The following FAM83B variants were observed in gnomAD, a reference collection of about 807,000 sequenced individuals.
FAM83B encodes the protein scaffolding CK1 anchoring protein B.
A neutral mutation model predicts 38.8 loss-of-function variants in FAM83B; 26 were observed. The observed-to-expected ratio is 0.67, with a 90% CI of 0.49 to 0.93. FAM83B has a LOEUF of 0.93. FAM83B is among the 40% of genes least tolerant of loss of function. The pLI is 0.00. For synonymous variants in FAM83B, 419 were observed against 423.1 expected, an observed-to-expected ratio of 0.99 and a Z score of 0.12; for missense variants, 1,237 against 1,197.3, an observed-to-expected ratio of 1.03 and a Z score of -0.49.
At chr6:54,866,872 A>C (rs77032552) in intron 1 of FAM83B, among the ~76,000 whole-genome samples, 2,506 of 152,234 alleles carry the variant, frequency 0.016, 64 homozygotes, top group African/African-American at 0.056. Flanking sequence ...CATGAATTGA[A>C]AGCAATTTTT....
intron 2 of FAM83B, among the ~76,000 whole-genome samples, chr6:54,911,307 A>G (rs2127584615): frequency 6.6e-6 from 1 of 152,110 alleles, no homozygotes; most frequent in South Asian, 2.1e-4. Context: ...TTAAAGAAAA[A>G]AAAAAACAAA....
rs1002800734 is a variant in FAM83B, at chr6:54,882,883, T to C, written c.444+12193T>C. On this transcript the variant is annotated intron_variant, in intron 2 of 4. Transcript: ENST00000306858. ...TATACTTGTTTGGGAAAGCTTTGTT[T>C]GATTCCCTTACCAGACTTCAGTTAG... Among the ~76,000 whole-genome samples, 4 of 152,222 alleles carry C rather than the reference T, an allele frequency of 2.6e-5. No individual in the cohort carries two copies. In the South Asian group the frequency reaches 8.3e-4, roughly 31 times the overall value.
chr6:54,930,273 T>C (rs1014328872), intron 4 of FAM83B, among the ~76,000 whole-genome samples: 1 of 152,144 alleles, frequency 6.6e-6, no homozygotes, highest in Admixed American at 6.6e-5. Flanking sequence ...GTTTGTTTTC[T>C]ATTTATCTAT....
rs1561908576 is a variant in FAM83B, at chr6:54,870,209, T to C, written c.-38T>C. 1 of 1,512,352 alleles carries C rather than the reference T, an allele frequency of 6.6e-7. No homozygotes were observed. The highest frequency in any genetic ancestry group is 9.1e-7 in the Non-Finnish European group (1 of 1,094,040). The allele number at this position is 1,512,352 out of a possible 1,614,324, so 93.7% of individuals were successfully genotyped here. On this transcript the variant is annotated 5_prime_UTR_variant, in exon 2 of 5. It removes an upstream start codon present in the reference 5' UTR. Coordinates refer to ENST00000306858, the MANE Select transcript of FAM83B (RefSeq NM_001010872.3). ...CAGATACTTCTCACCACTGCATGAA[T>C]GGACATTTGAAAGTGCCATAGCCAA...
chr6:54,916,923 G>C (rs1773056045), intron 2 of FAM83B, among the ~76,000 whole-genome samples: 1 of 152,132 alleles, frequency 6.6e-6, no homozygotes, highest in Non-Finnish European at 1.5e-5. Context: ...AAGGGACTTT[G>C]AATGCCAGTG....
intron 1 of FAM83B, among the ~76,000 whole-genome samples, chr6:54,865,019 A>G (rs1771667315): frequency 6.6e-6 from 1 of 152,234 alleles, no homozygotes; most frequent in African/African-American, 2.4e-5. Flanking sequence ...ATCATTTCTA[A>G]ATGGTAAATT....
chr6:54,932,032 C>T (rs7772366), intron 4 of FAM83B, among the ~76,000 whole-genome samples: 6,152 of 80,944 alleles, frequency 0.076, 555 homozygotes, highest in African/African-American at 0.29. Context: ...TTTTTTGAGA[C>T]GGAGTTTCAC....
intron 2 of FAM83B, among the ~76,000 whole-genome samples, chr6:54,917,023 C>CTACT (rs1403717272): frequency 6.6e-6 from 1 of 152,116 alleles, no homozygotes; most frequent in Non-Finnish European, 1.5e-5. Context: ...ACTGTAGGCT[C>CTACT]TAGGTACTGA....
chr6:54,881,329 G>A (rs1490392834), intron 2 of FAM83B, among the ~76,000 whole-genome samples: 1 of 152,192 alleles, frequency 6.6e-6, no homozygotes, highest in African/African-American at 2.4e-5. Flanking sequence ...AATGAAGAAA[G>A]CCTCATAACT....
At chr6:54,869,384 C>G (rs1455939844) in intron 1 of FAM83B, among the ~76,000 whole-genome samples, 1 of 152,128 alleles carries the variant, frequency 6.6e-6, no homozygotes, top group Non-Finnish European at 1.5e-5. Context: ...AATCACAAAA[C>G]TTTGTGTCCG....
intron 2 of FAM83B, among the ~76,000 whole-genome samples, chr6:54,921,155 G>C (rs900437499): frequency 3.3e-5 from 5 of 151,866 alleles, no homozygotes; most frequent in African/African-American, 1.2e-4. Context: ...TATCCATGAA[G>C]ACCTGTTGTC....
chr6:54,887,515 C>T (rs1241594662), intron 2 of FAM83B, among the ~76,000 whole-genome samples: 2 of 152,084 alleles, frequency 1.3e-5, no homozygotes, highest in Non-Finnish European at 2.9e-5. Flanking sequence ...TCCTTATTTT[C>T]ACTTTGGTTT....
intron 1 of FAM83B, among the ~76,000 whole-genome samples, chr6:54,854,995 G>A (rs955830574): frequency 3.3e-5 from 5 of 152,156 alleles, no homozygotes; most frequent in Non-Finnish European, 7.3e-5. Context: ...GGCATGTACA[G>A]TGAAGTTCAT....
rs1288920178 is a variant in FAM83B at position 54,939,824 on chromosome 6, T to A, written c.853T>A (p.Ser285Thr). 6.2e-6 allele frequency: 10 copies of A among 1,613,900 alleles called. No individual in the cohort carries two copies. The highest frequency in any genetic ancestry group is 1.7e-5 in the Admixed American group (1 of 59,958). ...CTATGCCAGATCCTGTGTCCCTAGTTCATTTGCTCAGGAAGAATCAGCAAG... is the reference window on the plus strand; with the variant it reads ...CTATGCCAGATCCTGTGTCCCTAGTACATTTGCTCAGGAAGAATCAGCAAG... ...TLYARSCVPSSFAQEESARVK... is the reference protein window; with the variant it reads ...TLYARSCVPSTFAQEESARVK... Residue 285 changes from serine (S) to threonine (T), a missense_variant, in exon 5 of 5, where the codon TCA (serine) becomes ACA (threonine). Physicochemically the swap from Ser to Thr is moderately conservative, Grantham distance 58. Coordinates refer to ENST00000306858, the MANE Select transcript of FAM83B (RefSeq NM_001010872.3).
At chr6:54,850,044 G>T (rs1043476286) in intron 1 of FAM83B, among the ~76,000 whole-genome samples, 2 of 152,130 alleles carry the variant, frequency 1.3e-5, no homozygotes, top group African/African-American at 4.8e-5. Context: ...TTCCTCTCCA[G>T]GGGTAGGAAA....
chr6:54,939,302 C>T (rs1178702601), intron 4 of FAM83B, among the ~76,000 whole-genome samples: 1 of 152,038 alleles, frequency 6.6e-6, no homozygotes, highest in Non-Finnish European at 1.5e-5. Context: ...TTTAATGCCT[C>T]TAGATTTGTT....
chr6:54,846,723 C>A, upstream of FAM83B: 1 of 152,366 alleles, frequency 6.6e-6, no homozygotes. Context: ...CAGGTAACTC[C>A]CCTCCCCTCC....
At chr6:54,924,188 T>TACACAC (rs59997305) in intron 2 of FAM83B, among the ~76,000 whole-genome samples, 5 of 147,908 alleles carry the variant, frequency 3.4e-5, no homozygotes, top group African/African-American at 7.5e-5. Context: ...TATTCATTTA[T>TACACAC]ACACACACAC....
Position 54,939,705 on chromosome 6 carries a change from G to A in FAM83B, c.735-1G>A. The stretch of plus-strand genomic sequence containing the variant: ...TAAAATTTTTCCATTTTTTTCCCCA[G>A]TTATATGTGGTCATTTGAGAAAGCT... On this transcript the variant is annotated splice_acceptor_variant, in intron 4 of 4. Transcript: ENST00000306858. LOFTEE classifies it high-confidence loss of function. The A allele has an allele frequency of 6.3e-7, 1 of 1,574,994 alleles. No homozygotes were observed. Among genetic ancestry groups the A allele is most frequent in the Non-Finnish European group, 8.6e-7 (1 of 1,163,936 alleles).
Sources: gnomAD v4.1 joint callset for allele counts (sites outside exome capture counted in the v4.1 genomes callset) on GRCh38, gnomAD v4.1.1 for gene constraint, MANE v1.5 for transcripts, NCBI Gene and HGNC (gene_info 2026-07-23, HGNC 2026-07-21) for gene names.